Variants in MACROD2 observed in about 807,000 individuals in gnomAD.
MACROD2 encodes the protein ADP-ribose glycohydrolase MACROD2.
A neutral mutation model predicts 70.4 loss-of-function variants in MACROD2; 36 were observed. That is an observed-to-expected ratio of 0.51 (90% CI 0.39 to 0.68). The LOEUF is 0.68. Ranked by LOEUF, MACROD2 falls within the 30% of genes least tolerant of loss-of-function variation. The pLI is 0.00. For synonymous variants in MACROD2, 172 were observed against 178.8 expected (o/e 0.96, Z 0.30); for missense variants, 496 against 538.4 (o/e 0.92, Z 0.78).
chr20:14,740,596 A>T (rs867359559), intron 5 of MACROD2, among the ~76,000 whole-genome samples: 1 of 152,116 alleles, frequency 6.6e-6, no homozygotes, highest in Non-Finnish European at 1.5e-5. Flanking sequence ...ATTTGTGTAA[A>T]TGGTCTTCTG....
At position 14,704,955 on chromosome 20, in the gene MACROD2, CT is replaced by C. The variant is rs371889809; in HGVS notation, c.418+20006del. ...GGCAAGGAACCTCTCTTGTGTCTCT[CT>C]TTTTTTTTTCAATACATTTAATAGT... is the stretch of plus-strand genomic sequence containing the variant. On this transcript the variant is annotated intron_variant, in intron 5 of 17. Transcript: ENST00000684519. Among the ~76,000 whole-genome samples, 830 of 148,898 alleles carry C rather than the reference CT, an allele frequency of 5.6e-3. 16 individuals are homozygous for C. Among genetic ancestry groups the C allele is most frequent in the African/African-American group, 0.019 (781 of 40,606 alleles).
chr20:14,698,784 A>C (rs1054176068), intron 5 of MACROD2, among the ~76,000 whole-genome samples: 11 of 148,948 alleles, frequency 7.4e-5, no homozygotes, highest in African/African-American at 2.7e-4. Flanking sequence ...TTAATTAAAT[A>C]ATTACATTTA....
chr20:15,849,920 A>G (rs2064277469), intron 8 of MACROD2, among the ~76,000 whole-genome samples: 2 of 152,102 alleles, frequency 1.3e-5, no homozygotes, highest in African/African-American at 2.4e-5. Context: ...GAGTCAAGAG[A>G]CCTATTCTTG....
intron 5 of MACROD2, among the ~76,000 whole-genome samples, chr20:15,072,731 C>G (rs771040181): frequency 6.6e-6 from 1 of 152,162 alleles, no homozygotes; most frequent in Non-Finnish European, 1.5e-5. Context: ...GGATATTTTA[C>G]TCAATATTAA....
rs887956760 is a variant in MACROD2, at chr20:15,485,931, T to TA, written c.572-13842dup. Among the ~76,000 whole-genome samples the TA allele has an allele frequency of 1.2e-3, 184 of 152,334 alleles. 1 individual carries two copies. Among genetic ancestry groups the TA allele is most frequent in the African/African-American group, 4.2e-3 (173 of 41,584 alleles). The stretch of plus-strand genomic sequence containing the variant: ...AATTATTGCATGAATCGCAGTCGAT[T>TA]ACTCAGGTCATTCTAAATTCATTTT... On this transcript the variant is annotated intron_variant, in intron 7 of 17. Transcript: ENST00000684519.
At chr20:14,901,989 G>A (rs2073900128) in intron 5 of MACROD2, among the ~76,000 whole-genome samples, 1 of 152,088 alleles carries the variant, frequency 6.6e-6, no homozygotes, top group Non-Finnish European at 1.5e-5. Flanking sequence ...AATTTATACA[G>A]TGGAACTTAC....
At chr20:15,128,844 GT>G (rs5840655) in intron 5 of MACROD2, among the ~76,000 whole-genome samples, 107,878 of 147,480 alleles carry the variant, frequency 0.73, 39,436 homozygotes, top group East Asian at 0.98. Context: ...TTTGTGTTTT[GT>G]TTTTTTTTTT....
At chr20:14,540,217 A>C (rs1156875334) in intron 4 of MACROD2, among the ~76,000 whole-genome samples, 3 of 152,196 alleles carry the variant, frequency 2.0e-5, no homozygotes, top group Non-Finnish European at 4.4e-5. Context: ...GTTTGCATTC[A>C]GGATGTTTCC....
chr20:15,388,608 A>C (rs1478034818), intron 6 of MACROD2, among the ~76,000 whole-genome samples: 8 of 152,184 alleles, frequency 5.3e-5, no homozygotes, highest in Non-Finnish European at 1.0e-4. Context: ...TGTCCTGTAC[A>C]GTTATTTGCT....
At chr20:14,814,870 CTT>C (rs1453829319) in intron 5 of MACROD2, among the ~76,000 whole-genome samples, 1 of 151,706 alleles carries the variant, frequency 6.6e-6, no homozygotes, top group African/African-American at 2.4e-5. Context: ...GCTATCAGCT[CTT>C]AAGATGCTTG....
At chr20:15,378,147 A>C (rs1180664925) in intron 6 of MACROD2, among the ~76,000 whole-genome samples, 1 of 126,306 alleles carries the variant, frequency 7.9e-6, no homozygotes, top group African/African-American at 4.0e-5. Flanking sequence ...TAAGAAAAAA[A>C]TAAAAGAAGA....
intron 3 of MACROD2, among the ~76,000 whole-genome samples, chr20:14,256,816 T>C (rs1208657406): frequency 1.3e-5 from 2 of 152,200 alleles, no homozygotes; most frequent in African/African-American, 2.4e-5. Flanking sequence ...ATATTTGGCT[T>C]AGCTATCTGG....
intron 3 of MACROD2, among the ~76,000 whole-genome samples, chr20:14,091,507 T>TAG (rs1190588572): frequency 6.6e-6 from 1 of 152,144 alleles, no homozygotes; most frequent in Non-Finnish European, 1.5e-5. Context: ...TAAAGAATGA[T>TAG]AGATAAGTGA....
At chr20:14,246,227 C>G (rs1601395822) in intron 3 of MACROD2, among the ~76,000 whole-genome samples, 1 of 152,188 alleles carries the variant, frequency 6.6e-6, no homozygotes, top group Non-Finnish European at 1.5e-5. Context: ...ATTTGTAACA[C>G]TTCATGGTGC....
chr20:15,247,987 C>T (rs746631725), intron 6 of MACROD2, among the ~76,000 whole-genome samples: 3 of 152,154 alleles, frequency 2.0e-5, no homozygotes, highest in South Asian at 2.1e-4. Flanking sequence ...CATGAGCCAC[C>T]GCACCCAGCC....
At chr20:15,402,644 G>A (rs537323269) in intron 6 of MACROD2, among the ~76,000 whole-genome samples, 5 of 152,318 alleles carry the variant, frequency 3.3e-5, no homozygotes, top group African/African-American at 1.2e-4. Flanking sequence ...GTACAGGGTA[G>A]TTTTTCTGGG....
At chr20:14,511,730 A>G (rs748483553) in intron 4 of MACROD2, among the ~76,000 whole-genome samples, 3 of 145,432 alleles carry the variant, frequency 2.1e-5, no homozygotes, top group Non-Finnish European at 4.5e-5. Flanking sequence ...CTATAAATTT[A>G]TTCATATATA....
At chr20:15,641,457 T>C in intron 8 of MACROD2, among the ~76,000 whole-genome samples, 1 of 152,234 alleles carries the variant, frequency 6.6e-6, no homozygotes, top group Non-Finnish European at 1.5e-5. Flanking sequence ...TTGCTGAATT[T>C]CTGGAGAATC....
At chr20:15,742,863 A>T (rs889627743) in intron 8 of MACROD2, among the ~76,000 whole-genome samples, 2 of 152,358 alleles carry the variant, frequency 1.3e-5, no homozygotes, top group African/African-American at 4.8e-5. Flanking sequence ...TCTGAATTAC[A>T]TGAAAGCCAG....
Sources: allele counts gnomAD v4.1 joint callset (sites outside exome capture counted in the v4.1 genomes callset), GRCh38; gene constraint gnomAD v4.1.1; transcripts MANE v1.5; gene names NCBI Gene and HGNC (gene_info 2026-07-23, HGNC 2026-07-21).